Variants in THOP1 observed in about 807,000 individuals in gnomAD.
THOP1 encodes the protein thimet oligopeptidase 1, also known as thimet oligopeptidase.
Under a neutral mutation model 71.8 loss-of-function variants are expected in THOP1, and 49 were observed. That is an observed-to-expected ratio of 0.68 (90% CI 0.54 to 0.87). The LOEUF (loss-of-function observed/expected upper bound fraction) is 0.87. Among genes scored for constraint, THOP1 ranks in the 40% least tolerant of loss-of-function variants. THOP1 has a pLI of 0.00. For missense variants in THOP1, 843 were observed against 975.6 expected, an observed-to-expected ratio of 0.86 and a Z score of 1.81; for synonymous variants, 426 against 421.5, an observed-to-expected ratio of 1.01 and a Z score of -0.13.
Position 2,808,342 on chromosome 19 carries a change from C to G in THOP1, c.1353C>G (p.Asn451Lys). The change falls in exon 9 of 13, where the codon AAC (asparagine) becomes AAG (lysine). Residue 451 changes from asparagine to lysine, a missense_variant. Asn to Lys is a moderately conservative substitution (Grantham distance 94, BLOSUM62 0). Coordinates refer to ENST00000307741, the MANE Select transcript of THOP1 (RefSeq NM_003249.5). ...TCGCCATCGCGGCCATGGTGGCCAACTTCACCAAGCCCACAGCCGACGCGC... is the reference window on the plus strand; with the variant it reads ...TCGCCATCGCGGCCATGGTGGCCAAGTTCACCAAGCCCACAGCCGACGCGC... ...RQIAIAAMVA[N>K]FTKPTADAPS... The G allele has an allele frequency of 1.2e-6, 2 of 1,606,878 alleles. No homozygotes were observed. The highest frequency in any genetic ancestry group is 1.7e-6 in the Non-Finnish European group (2 of 1,177,110).
rs199676441 is a variant in THOP1 at position 2,796,200 on chromosome 19, G to A, written c.486+12G>A. Reference sequence around the variant, plus strand: ...GAGAGACTCAGGAAGTGAGTGCTGGGTGTAGGGAGTGCTGGGCGTGGGCAA... The same window carrying A: ...GAGAGACTCAGGAAGTGAGTGCTGGATGTAGGGAGTGCTGGGCGTGGGCAA... On this transcript the variant is annotated intron_variant, in intron 4 of 12. Coordinates refer to ENST00000307741, the MANE Select transcript of THOP1 (RefSeq NM_003249.5). The A allele has an allele frequency of 5.6e-6, 9 of 1,600,528 alleles. No homozygotes were observed. The East Asian group carries it at 1.6e-4, about 28-fold the overall frequency.
At position 2,801,970 on chromosome 19, in the gene THOP1, C is replaced by T. The variant is rs951089164; in HGVS notation, c.589+2179C>T. Reference sequence around the variant, plus strand: ...TAATCCTGCCATCTCCCAATACCACCATCTCCAACACCGCCATCTCCCGAT... The same window carrying T: ...TAATCCTGCCATCTCCCAATACCACTATCTCCAACACCGCCATCTCCCGAT... On this transcript the variant is annotated intron_variant, in intron 5 of 12. Transcript: ENST00000307741. The surrounding 1 kb of genome is among the most constrained non-coding windows in gnomAD (Gnocchi z 5.1). Among the ~76,000 whole-genome samples, 32 of 152,136 alleles carry T rather than the reference C, an allele frequency of 2.1e-4. No homozygotes were observed. The highest frequency in any genetic ancestry group is 7.7e-4 in the African/African-American group (32 of 41,480).
chr19:2,788,793 C>A lies in THOP1; in HGVS notation c.17-1628C>A, dbSNP rs145576618. Reference sequence around the variant, plus strand: ...AGCATCCGGCCAAGATGGAGTCTTGCTTTGTCGCCTAGGCTAGAGTGCAGT... The same window carrying A: ...AGCATCCGGCCAAGATGGAGTCTTGATTTGTCGCCTAGGCTAGAGTGCAGT... On this transcript the variant is annotated intron_variant, in intron 1 of 12. Coordinates refer to ENST00000307741, the MANE Select transcript of THOP1 (RefSeq NM_003249.5). Among the ~76,000 whole-genome samples the A allele has an allele frequency of 5.4e-3, 813 of 151,334 alleles. 9 individuals carry two copies. The highest frequency in any genetic ancestry group is 0.019 in the African/African-American group (771 of 41,176).
intron 2 of THOP1, among the ~76,000 whole-genome samples, chr19:2,792,575 T>C (rs1426903359): frequency 6.6e-6 from 1 of 151,802 alleles, no homozygotes; most frequent in Non-Finnish European, 1.5e-5. Flanking sequence ...GTGGCCAGAC[T>C]GCAATTTGAA....
At chr19:2,794,708 G>T (rs1305231221) in intron 2 of THOP1, 56 bp from the exon 3 acceptor site, 4 of 1,570,856 alleles carry the variant, frequency 2.5e-6, no homozygotes, top group Non-Finnish European at 3.5e-6. Flanking sequence ...GGCAACACCT[G>T]CCAGTTGTAC....
Position 2,804,097 on chromosome 19 carries a change from T to A in THOP1, c.590-919T>A, listed in dbSNP as rs1244683047. ...GGGGTCGGAGTGAGCTCCCGATCAT[T>A]CTTTCCACTCTGACCGCCCTGGGGT... On this transcript the variant is annotated intron_variant, in intron 5 of 12. Coordinates refer to ENST00000307741, the MANE Select transcript of THOP1 (RefSeq NM_003249.5). This position sits in a 1 kb window ranked among gnomAD's most constrained non-coding sequence, Gnocchi z 4.7. Among the ~76,000 whole-genome samples, 1 of 152,112 alleles carries A rather than the reference T, an allele frequency of 6.6e-6. No individual in the cohort carries two copies. Among genetic ancestry groups the A allele is most frequent in the Non-Finnish European group, 1.5e-5 (1 of 68,026 alleles).
rs184571367 is a variant in THOP1, at chr19:2,795,847, G to A, written c.379-234G>A. Reference sequence around the variant, plus strand: ...GCAATCTAATTCCCATTCAGCCATCGCACTGGTGAAGGAGCTCTGGACTGA... The same window carrying A: ...GCAATCTAATTCCCATTCAGCCATCACACTGGTGAAGGAGCTCTGGACTGA... On this transcript the variant is annotated intron_variant, in intron 3 of 12. Coordinates refer to ENST00000307741, the MANE Select transcript of THOP1 (RefSeq NM_003249.5). Among the ~76,000 whole-genome samples, 411 of 152,312 alleles carry A rather than the reference G, an allele frequency of 2.7e-3. 2 individuals carry two copies. Among genetic ancestry groups the A allele is most frequent in the South Asian group, 9.7e-3 (47 of 4,832 alleles).
rs556974552 is a variant in THOP1 at position 2,802,566 on chromosome 19, C to T, written c.590-2450C>T. On this transcript the variant is annotated intron_variant, in intron 5 of 12. Coordinates refer to ENST00000307741, the MANE Select transcript of THOP1 (RefSeq NM_003249.5). ...ACCTCCCGACACCAACACCTTCCGA[C>T]ACCCCCACCTCCCGACACCGCCACC... Among the ~76,000 whole-genome samples the T allele has an allele frequency of 6.8e-4, 102 of 150,468 alleles. 2 individuals are homozygous for T. The South Asian group carries it at 1.0e-2, about 15-fold the overall frequency.
In THOP1 at chr19:2,808,962, G is replaced by A. The variant is rs116697985; in HGVS notation, c.1455+518G>A. Among the ~76,000 whole-genome samples the A allele has an allele frequency of 8.7e-3, 1,318 of 152,318 alleles. 27 individuals carry two copies. The highest frequency in any genetic ancestry group is 0.03 in the African/African-American group (1,243 of 41,562). On this transcript the variant is annotated intron_variant, in intron 9 of 12. Coordinates refer to ENST00000307741, the MANE Select transcript of THOP1 (RefSeq NM_003249.5). ...AATCCCAGCACTTTGGGAGGCCGAG[G>A]TGGGTAGATCACCTGAGGTCAGGAG...
chr19:2,791,937 C>T (rs949891741), intron 2 of THOP1, among the ~76,000 whole-genome samples: 48 of 152,310 alleles, frequency 3.2e-4, no homozygotes, highest in African/African-American at 1.0e-3. Context: ...GCCTGGCACC[C>T]TCCCCCAGCC....
intron 1 of THOP1, among the ~76,000 whole-genome samples, chr19:2,789,392 C>T (rs1248643837): frequency 1.3e-5 from 2 of 152,256 alleles, no homozygotes; most frequent in African/African-American, 4.8e-5. Flanking sequence ...GGAGCCCCCG[C>T]CTGCCATTCT....
chr19:2,807,663 C>T lies in THOP1; in HGVS notation c.1108C>T (p.Leu370=). ...FPVQVVTHGL[L]GIYQELLGLA... is the part of the protein sequence containing the mutation. ...CGTGCAGGTGGTCACGCACGGGCTG[C>T]TGGGCATCTACCAGGAGCTCCTGGG... The change falls in exon 8 of 13, where the codon CTG becomes TTG. Residue 370 remains leucine, a synonymous_variant. Transcript: ENST00000307741. 1.2e-6 allele frequency: 2 copies of T among 1,607,400 alleles called. No homozygotes were observed. Among genetic ancestry groups the T allele is most frequent in the South Asian group, 1.1e-5 (1 of 90,948 alleles).
chr19:2,804,435 GATCTC>G lies in THOP1; in HGVS notation c.590-579_590-575del, dbSNP rs1916240497. 6.6e-6 allele frequency among the ~76,000 whole-genome samples: 1 copy of G among 152,176 alleles called. No individual in the cohort carries two copies. Among genetic ancestry groups the G allele is most frequent in the Admixed American group, 6.5e-5 (1 of 15,290 alleles). ...GTTGAGCCGTGGGGCTGCGTGCTGAGATCTCAGCTCTGAGCGGGAGGCTCTGCCTG... is the reference window on the plus strand; with the variant it reads ...GTTGAGCCGTGGGGCTGCGTGCTGAGAGCTCTGAGCGGGAGGCTCTGCCTG... On this transcript the variant is annotated intron_variant, in intron 5 of 12. Coordinates refer to ENST00000307741, the MANE Select transcript of THOP1 (RefSeq NM_003249.5). The surrounding 1 kb of genome is among the most constrained non-coding windows in gnomAD (Gnocchi z 4.7).
chr19:2,802,552 C>T (rs1599526879), intron 5 of THOP1, among the ~76,000 whole-genome samples: 3 of 143,630 alleles, frequency 2.1e-5, no homozygotes, highest in East Asian at 2.0e-4. Flanking sequence ...CCTCCCGACA[C>T]CAACACCTTC....
chr19:2,811,119 T>G (rs1916451545), intron 11 of THOP1, among the ~76,000 whole-genome samples: 2 of 152,204 alleles, frequency 1.3e-5, no homozygotes, highest in African/African-American at 2.4e-5. Context: ...TGATGAGAAG[T>G]GGGCCCTGTT....
intron 9 of THOP1, 165 bp from the exon 10 acceptor site, chr19:2,810,139 G>A: frequency 2.3e-6 from 2 of 865,144 alleles, no homozygotes; most frequent in East Asian, 2.7e-5. Context: ...CAGCCCAGGG[G>A]CCTCCGGGTC....
Position 2,807,330 on chromosome 19 carries a change from G to A in THOP1, c.887-112G>A, listed in dbSNP as rs1180169151. ...CCTCGAGGGGTTGCCGGGAACTGCG[G>A]GTCCTCCCTTCCAAATGGGGAGCCT... On this transcript the variant is annotated intron_variant, in intron 7 of 12. Coordinates refer to ENST00000307741, the MANE Select transcript of THOP1 (RefSeq NM_003249.5). The A allele has an allele frequency of 4.2e-6, 6 of 1,433,330 alleles. No individual in the cohort carries two copies. The South Asian group carries it at 4.4e-5, about 10-fold the overall frequency. The allele number at this position is 1,433,330 out of a possible 1,614,324, so 88.8% of individuals were successfully genotyped here. A position where few individuals can be genotyped will look rare whatever the true frequency, so the allele number is the denominator to read the frequency against.
rs1043207439 is a variant in THOP1, at chr19:2,805,830, C to T, written c.750+654C>T. 4.0e-5 allele frequency among the ~76,000 whole-genome samples: 6 copies of T among 148,788 alleles called. No individual in the cohort carries two copies. The highest frequency in any genetic ancestry group is 9.9e-5 in the African/African-American group (4 of 40,370). On this transcript the variant is annotated intron_variant, in intron 6 of 12. Transcript: ENST00000307741. The surrounding 1 kb of genome is among the most constrained non-coding windows in gnomAD (Gnocchi z 6.6). Reference sequence around the variant, plus strand: ...GCACTGATCACTGCAAGGGGACGGGCGGGTGCCCATCACTGCGGGGGGACG... The same window carrying T: ...GCACTGATCACTGCAAGGGGACGGGTGGGTGCCCATCACTGCGGGGGGACG...
At chr19:2,803,344 C>G (rs1916203962) in intron 5 of THOP1, among the ~76,000 whole-genome samples, 1 of 152,228 alleles carries the variant, frequency 6.6e-6, no homozygotes, top group African/African-American at 2.4e-5. Flanking sequence ...CGGCACACAC[C>G]TGAGGTCCCA....
Sources: gnomAD v4.1 joint callset for allele counts (sites outside exome capture counted in the v4.1 genomes callset) on GRCh38, gnomAD v4.1.1 for gene constraint, Gnocchi (gnomAD v3.1) non-coding constraint, MANE v1.5 for transcripts, NCBI Gene and HGNC (gene_info 2026-07-23, HGNC 2026-07-21) for gene names.